LTN1: variants seen among roughly 807,000 people sequenced by gnomAD.
LTN1 encodes the protein listerin E3 ubiquitin protein ligase 1.
In LTN1, 88 loss-of-function variants were observed where a neutral mutation model predicts 201.2. The ratio of observed to expected loss-of-function variants is 0.44; its 90% CI spans 0.37 to 0.52. LTN1 has a LOEUF of 0.52. Ranked by LOEUF, LTN1 falls within the 20% of genes least tolerant of loss-of-function variation. The pLI is 0.00. For missense variants in LTN1, 1,752 were observed against 2,038.7 expected (o/e 0.86, Z 2.71); for synonymous variants, 645 against 713.5 (o/e 0.90, Z 1.53).
rs2084567710 is a variant in LTN1 at position 28,970,723 on chromosome 21, T to C, written c.1004A>G (p.Asn335Ser). 6.2e-7 allele frequency: 1 copy of C among 1,613,828 alleles called. No individual in the cohort carries two copies. Residue 335 changes from asparagine (N) to serine (S), a missense_variant, in exon 8 of 30, where the codon AAT (asparagine) becomes AGT (serine). Physicochemically the swap from Asn to Ser is conservative, Grantham distance 46. This residue lies in a region of LTN1 where 1,211 missense variants were observed against 1,312.8 expected (regional missense o/e 0.92). Coordinates refer to ENST00000361371, the MANE Select transcript of LTN1 (RefSeq NM_015565.3). ...CTTGGGAAACACACTCTTTTTTGCA[T>C]TTACATGAAGCCAACAGTCCTAACC... ...TTIEDCWLHV[N>S]AKKSVFPKLS...
intron 18 of LTN1, among the ~76,000 whole-genome samples, chr21:28,949,333 A>C: frequency 6.6e-6 from 1 of 152,314 alleles, no homozygotes; most frequent in African/African-American, 2.4e-5. Context: ...TCTTTCAGAA[A>C]TACTATATAA....
In LTN1 at chr21:28,970,606, A is replaced by G. The variant is rs2084566034; in HGVS notation, c.1121T>C (p.Ile374Thr). The change falls in exon 8 of 30, where the codon ATC becomes ACC. Residue 374 changes from isoleucine to threonine, a missense_variant. This residue lies in a region of LTN1 where 1,211 missense variants were observed against 1,312.8 expected (regional missense o/e 0.92). Coordinates refer to ENST00000361371, the MANE Select transcript of LTN1 (RefSeq NM_015565.3). ...GAAGAAATCCAACTTTGGATTTGTG[A>G]TGGACTGAGGGAGCTTGCTGATGAA... The part of the protein sequence containing the change: ...LPFISKLPQS[I>T]TNPKLDFFKN... 1 of 1,613,848 alleles carries G rather than the reference A, an allele frequency of 6.2e-7. No individual in the cohort carries two copies. The highest frequency in any genetic ancestry group is 8.5e-7 in the Non-Finnish European group (1 of 1,179,922).
At chr21:28,953,628 A>G (rs2084401461) in intron 16 of LTN1, among the ~76,000 whole-genome samples, 1 of 152,204 alleles carries the variant, frequency 6.6e-6, no homozygotes, top group African/African-American at 2.4e-5. Context: ...ATGTGACAAG[A>G]ACCTAAGTTA....
chr21:28,959,783 G>T, intron 12 of LTN1, 86 bp from the exon 13 acceptor site: 1 of 1,162,596 alleles, frequency 8.6e-7, no homozygotes, highest in Non-Finnish European at 1.2e-6. Flanking sequence ...ATAATTCTAT[G>T]GGTCTTTCCT....
chr21:28,966,538 C>T lies in LTN1; in HGVS notation c.1953G>A (p.Lys651=), dbSNP rs1339210695. ...IVQAKPLEIA[K]LVQKNPAVQF... ...GCACCGCAGGATTTTTTTGTACAAG[C>T]TTGGCTATTTCAAGAGGTTTGGCTT... The change falls in exon 10 of 30, where the codon AAG becomes AAA. Residue 651 remains lysine, a synonymous_variant. Coordinates refer to ENST00000361371, the MANE Select transcript of LTN1 (RefSeq NM_015565.3). 1.9e-6 allele frequency: 3 copies of T among 1,613,954 alleles called. No individual in the cohort carries two copies. Among genetic ancestry groups the T allele is most frequent in the Admixed American group, 3.3e-5 (2 of 59,984 alleles).
chr21:28,948,212 A>T (rs1375377527), intron 18 of LTN1, among the ~76,000 whole-genome samples: 1 of 146,140 alleles, frequency 6.8e-6, no homozygotes, highest in Admixed American at 6.9e-5. Flanking sequence ...AAAAAAAAAT[A>T]GAGTCAATTG....
intron 22 of LTN1, 68 bp downstream of exon 22, chr21:28,944,315 T>A: frequency 8.3e-7 from 1 of 1,203,108 alleles, no homozygotes; most frequent in East Asian, 2.3e-5. Context: ...TCAAAATTTT[T>A]GCTTTTGAAT....
At chr21:28,939,812 A>C (rs1377418407) in intron 25 of LTN1, among the ~76,000 whole-genome samples, 2 of 152,220 alleles carry the variant, frequency 1.3e-5, no homozygotes, top group South Asian at 2.1e-4. Context: ...ATTGATGTAA[A>C]AGCCAAATAA....
intron 26 of LTN1, among the ~76,000 whole-genome samples, chr21:28,936,144 C>T (rs910123367): frequency 6.6e-6 from 1 of 152,096 alleles, no homozygotes; most frequent in Non-Finnish European, 1.5e-5. Context: ...AAATTGTTTC[C>T]AATACTGTAG....
intron 14 of LTN1, 33 bp from the exon 15 acceptor site, chr21:28,957,509 G>GT (rs751972349): frequency 7.4e-6 from 11 of 1,487,410 alleles, no homozygotes; most frequent in Non-Finnish European, 9.9e-6. Flanking sequence ...AACTGTTGTA[G>GT]TTACGCTATG....
chr21:28,962,556 G>T (rs2084487925), intron 11 of LTN1, among the ~76,000 whole-genome samples: 1 of 152,170 alleles, frequency 6.6e-6, no homozygotes, highest in South Asian at 2.1e-4. Context: ...CTGCCCCGCT[G>T]ACCGACCATT....
At chr21:28,987,016 T>C in intron 1 of LTN1, 82 bp from the exon 2 acceptor site, 1 of 833,658 alleles carries the variant, frequency 1.2e-6, no homozygotes, top group Non-Finnish European at 1.9e-6. Flanking sequence ...GCTATTCCCA[T>C]GGTCAGAATG....
At chr21:28,970,805 G>C in intron 7 of LTN1, 63 bp from the exon 8 acceptor site, 1 of 1,293,378 alleles carries the variant, frequency 7.7e-7, no homozygotes. Context: ...TCAATTAAAA[G>C]AGAAAACATA....
intron 22 of LTN1, 111 bp from the exon 23 acceptor site, chr21:28,944,015 TA>T (rs1441538237): frequency 3.0e-6 from 2 of 659,318 alleles, no homozygotes; most frequent in Non-Finnish European, 5.3e-6. Flanking sequence ...AAACTAGACA[TA>T]AACAATAAAG....
intron 1 of LTN1, among the ~76,000 whole-genome samples, chr21:28,987,873 G>A (rs2084710454): frequency 6.6e-6 from 1 of 152,208 alleles, no homozygotes; most frequent in African/African-American, 2.4e-5. Flanking sequence ...GCCGGGCACA[G>A]TGGCTCACGC....
rs559678656 is a variant in LTN1 at position 28,992,842 on chromosome 21, C to T, written c.-37G>A. ...CAGCTGTACTCTGAGCACTCAGACC[C>T]CGGTTGACACGTCCGGGACACAACT... On this transcript the variant is annotated 5_prime_UTR_variant, in exon 1 of 30. Coordinates refer to ENST00000361371, the MANE Select transcript of LTN1 (RefSeq NM_015565.3). The T allele has an allele frequency of 6.2e-6, 10 of 1,614,048 alleles. No individual in the cohort carries two copies. Among genetic ancestry groups the T allele is most frequent in the South Asian group, 4.4e-5 (4 of 91,074 alleles).
intron 15 of LTN1, 101 bp downstream of exon 15, chr21:28,957,231 C>T (rs2084433026): frequency 7.6e-6 from 9 of 1,191,322 alleles, no homozygotes; most frequent in Non-Finnish European, 1.0e-5. Context: ...AAGCAAAATA[C>T]TCATTTTATT....
At chr21:28,979,800 T>C (rs951721571) in intron 6 of LTN1, among the ~76,000 whole-genome samples, 2 of 152,018 alleles carry the variant, frequency 1.3e-5, no homozygotes, top group African/African-American at 4.8e-5. Context: ...TGAAACCCTG[T>C]CTCTACTAAA....
chr21:28,991,689 G>A (rs892863575), intron 1 of LTN1, among the ~76,000 whole-genome samples: 3 of 152,128 alleles, frequency 2.0e-5, no homozygotes, highest in Non-Finnish European at 2.9e-5. Flanking sequence ...AACATTAAAA[G>A]ATGCAAGTAA....
Sources: gnomAD v4.1 joint callset for allele counts (sites outside exome capture counted in the v4.1 genomes callset) on GRCh38, gnomAD v4.1.1 for gene constraint, gnomAD v4.1.1 regional missense constraint, MANE v1.5 for transcripts, NCBI Gene and HGNC (gene_info 2026-07-23, HGNC 2026-07-21) for gene names.